Variants in USP54 observed in about 807,000 individuals in gnomAD.
USP54 encodes ubiquitin specific peptidase 54.
A neutral mutation model predicts 170.5 loss-of-function variants in USP54; 87 were observed. The observed-to-expected ratio is 0.51, with a 90% CI of 0.43 to 0.61. The LOEUF (loss-of-function observed/expected upper bound fraction) is 0.61. USP54 is among the 20% of genes least tolerant of loss of function. The pLI, the probability that USP54 is intolerant of heterozygous loss-of-function variation, is 0.00. For missense variants in USP54, 1,786 were observed against 2,047.8 expected (o/e 0.87, Z 2.47); for synonymous variants, 655 against 742.8 (o/e 0.88, Z 1.92).
At chr10:73,608,820 C>A (rs1013788283) in intron 1 of USP54, among the ~76,000 whole-genome samples, 14 of 152,102 alleles carry the variant, frequency 9.2e-5, no homozygotes, top group Non-Finnish European at 1.9e-4. Flanking sequence ...TCACTTGAAC[C>A]TGGGAGGTGG....
intron 4 of USP54, among the ~76,000 whole-genome samples, chr10:73,551,974 A>G (rs551874059): frequency 6.6e-6 from 1 of 152,252 alleles, no homozygotes; most frequent in African/African-American, 2.4e-5. Context: ...TCTTGGAGAG[A>G]ATTAAGAAAA....
At chr10:73,607,191 T>C (rs1455820326) in intron 1 of USP54, among the ~76,000 whole-genome samples, 1 of 151,498 alleles carries the variant, frequency 6.6e-6, no homozygotes, top group Non-Finnish European at 1.5e-5. Flanking sequence ...GCACCTGTAG[T>C]CCCAACTACT....
chr10:73,529,935 T>C (rs186899838), intron 14 of USP54, 24 bp from the exon 15 acceptor site: 1,700 of 1,519,016 alleles, frequency 1.1e-3, no homozygotes, highest in Non-Finnish European at 1.4e-3. Flanking sequence ...AAGACAGGTA[T>C]GGAAAATGAG....
chr10:73,587,560 G>T (rs1218959187), intron 1 of USP54, among the ~76,000 whole-genome samples: 1 of 152,072 alleles, frequency 6.6e-6, no homozygotes, highest in Admixed American at 6.6e-5. Flanking sequence ...AGATCCAAAG[G>T]GTCCCATTCC....
intron 9 of USP54, among the ~76,000 whole-genome samples, chr10:73,540,998 T>C (rs1424325156): frequency 6.6e-6 from 1 of 152,206 alleles, no homozygotes; most frequent in Non-Finnish European, 1.5e-5. Flanking sequence ...TAGTCAGGAA[T>C]GCCCCTCTTT....
At chr10:73,543,528 G>A (rs1278675705) in intron 5 of USP54, among the ~76,000 whole-genome samples, 4 of 151,918 alleles carry the variant, frequency 2.6e-5, no homozygotes, top group South Asian at 2.1e-4. Flanking sequence ...CACCACGCCC[G>A]GCTAATTTTT....
In USP54 at chr10:73,575,451, A is replaced by C; in HGVS notation, c.147+61T>G. On this transcript the variant is annotated intron_variant, in intron 3 of 23. Coordinates refer to ENST00000687698, the MANE Select transcript of USP54 (RefSeq NM_001391956.1). ...AACATTTTATTTAAAAAGAGTTATC[A>C]GAAATACAGCATCAGCAATTAAAAG... is the stretch of plus-strand genomic sequence containing the variant. 6.1e-6 allele frequency: 9 copies of C among 1,482,824 alleles called. No individual in the cohort carries two copies. The South Asian group carries it at 1.3e-4, about 22-fold the overall frequency. The allele number at this position is 1,482,824 out of a possible 1,614,324, so 91.9% of individuals were successfully genotyped here. A position where few individuals can be genotyped will look rare whatever the true frequency, so the allele number is the denominator to read the frequency against.
chr10:73,502,970 C>T (rs2058426142), intron 22 of USP54, among the ~76,000 whole-genome samples: 1 of 152,180 alleles, frequency 6.6e-6, no homozygotes, highest in Admixed American at 6.5e-5. Flanking sequence ...TATCCCCACT[C>T]CCAACATCCA....
At chr10:73,525,639 G>A (rs1277391692) in intron 16 of USP54, among the ~76,000 whole-genome samples, 7 of 152,206 alleles carry the variant, frequency 4.6e-5, no homozygotes. Flanking sequence ...AAATTAAAAT[G>A]TGGGGAATAA....
In USP54 at chr10:73,516,357, C is replaced by T. The variant is rs781045871; in HGVS notation, c.4051+18G>A. On this transcript the variant is annotated intron_variant, in intron 20 of 23. Coordinates refer to ENST00000687698, the MANE Select transcript of USP54 (RefSeq NM_001391956.1). ...TATGATCCTCCCCCCTCCCCCCAAC[C>T]CCTGGTTGCATTCTTACCTGTTTGG... 9 of 1,590,436 alleles carry T rather than the reference C, an allele frequency of 5.7e-6. No individual in the cohort carries two copies. Among genetic ancestry groups the T allele is most frequent in the Non-Finnish European group, 6.8e-6 (8 of 1,169,610 alleles).
chr10:73,531,476 A>G (rs1243710025), intron 12 of USP54, among the ~76,000 whole-genome samples: 2 of 152,186 alleles, frequency 1.3e-5, no homozygotes, highest in East Asian at 3.8e-4. Flanking sequence ...TCAGGTAGCC[A>G]TATACTTTCA....
At chr10:73,559,855 T>G (rs2072385740) in intron 4 of USP54, among the ~76,000 whole-genome samples, 1 of 151,836 alleles carries the variant, frequency 6.6e-6, no homozygotes, top group Admixed American at 6.6e-5. Flanking sequence ...AGCTTGAGGT[T>G]AGGAGTTCGA....
chr10:73,620,260 C>A (rs1178535715), intron 1 of USP54, among the ~76,000 whole-genome samples: 4 of 148,814 alleles, frequency 2.7e-5, no homozygotes, highest in Non-Finnish European at 1.5e-5. Flanking sequence ...TTGTAGTGAG[C>A]CGAGATTGTG....
chr10:73,526,684 T>G lies in USP54; in HGVS notation c.2157A>C (p.Ala719=). 6.2e-7 allele frequency: 1 copy of G among 1,614,204 alleles called. No homozygotes were observed. Among genetic ancestry groups the G allele is most frequent in the Non-Finnish European group, 8.5e-7 (1 of 1,180,024 alleles). ...SSSILEVDST[A]SMGGWTKSQP... ...GACTCTTTGTCCAGCCACCCATGGA[T>G]GCTGTGGAGTCTACCTCCAGGATGC... The change falls in exon 16 of 24, where the codon GCA becomes GCC. Residue 719 remains alanine (A), a synonymous_variant. Transcript: ENST00000687698.
Position 73,499,103 on chromosome 10 carries a change from CA to C in USP54, c.4580del (p.Leu1527Ter), listed in dbSNP as rs758215530. The C allele has an allele frequency of 1.2e-6, 2 of 1,614,094 alleles. No homozygotes were observed. Among genetic ancestry groups the C allele is most frequent in the Non-Finnish European group, 1.7e-6 (2 of 1,180,012 alleles). ...SQGAKYTGRT[L>X]NYQSLPHRSR... Reference sequence around the variant, plus strand: ...AGCGATGGGGGAGGCTCTGGTAGTTCAAAGTCCTTCCTGTGTACTTGGCCCC... The same window carrying C: ...AGCGATGGGGGAGGCTCTGGTAGTTCAAGTCCTTCCTGTGTACTTGGCCCC... On this transcript the variant is annotated frameshift_variant, in exon 24 of 24. Coordinates refer to ENST00000687698, the MANE Select transcript of USP54 (RefSeq NM_001391956.1). LOFTEE classifies it high-confidence loss of function.
rs192754720 is a variant in USP54, at chr10:73,569,359, A to C, written c.240+2062T>G. ...GAAAATCAGATAAAATGCCCTTTGG[A>C]TGGACCCCTGTCTAAATGGGCACAG... is the stretch of plus-strand genomic sequence containing the variant. On this transcript the variant is annotated intron_variant, in intron 4 of 23. Transcript: ENST00000687698. 1.7e-4 allele frequency among the ~76,000 whole-genome samples: 26 copies of C among 152,304 alleles called. No homozygotes were observed. In the East Asian group the frequency reaches 4.8e-3, roughly 28 times the overall value.
chr10:73,582,025 G>A (rs1589289523), intron 1 of USP54, among the ~76,000 whole-genome samples: 1 of 152,304 alleles, frequency 6.6e-6, no homozygotes, highest in East Asian at 1.9e-4. Flanking sequence ...TCAGGCCAAA[G>A]TAATAAACCA....
In USP54 at chr10:73,572,132, C is replaced by T. The variant is rs144094261; in HGVS notation, c.148-619G>A. 6.2e-3 allele frequency among the ~76,000 whole-genome samples: 938 copies of T among 152,198 alleles called. 4 individuals are homozygous for T. The highest frequency in any genetic ancestry group is 0.018 in the South Asian group (86 of 4,808). ...GGTCTTCCTCCCTAAAACCTATGAC[C>T]CTAGTCTAATCATGAGAAAAGCATT... On this transcript the variant is annotated intron_variant, in intron 3 of 23. Transcript: ENST00000687698.
intron 4 of USP54, among the ~76,000 whole-genome samples, 153 bp downstream of exon 4, chr10:73,571,268 C>A (rs2075149498): frequency 6.6e-6 from 1 of 151,634 alleles, no homozygotes; most frequent in African/African-American, 2.4e-5. Flanking sequence ...TTCTTTGAAG[C>A]AAGCAAACAA....
Sources: gnomAD v4.1 joint callset for allele counts (sites outside exome capture counted in the v4.1 genomes callset) on GRCh38, gnomAD v4.1.1 for gene constraint, MANE v1.5 for transcripts, NCBI Gene and HGNC (gene_info 2026-07-23, HGNC 2026-07-21) for gene names.